CPVL: variants seen among roughly 807,000 people sequenced by gnomAD.
CPVL encodes probable serine carboxypeptidase CPVL.
In CPVL, 51 loss-of-function variants were observed where a neutral mutation model predicts 63.7. That is an observed-to-expected ratio of 0.80 (90% CI 0.64 to 1.01). The LOEUF (loss-of-function observed/expected upper bound fraction) is 1.01. Among genes scored for constraint, CPVL ranks in the 50% least tolerant of loss-of-function variants. The pLI is 0.00. For synonymous variants in CPVL, 195 were observed against 206.0 expected (o/e 0.95, Z 0.46); for missense variants, 530 against 573.1 (o/e 0.92, Z 0.77).
At chr7:29,140,180 T>G (rs375639910) in intron 1 of CPVL, among the ~76,000 whole-genome samples, 4 of 152,260 alleles carry the variant, frequency 2.6e-5, no homozygotes, top group East Asian at 3.9e-4. Context: ...TGGCTCACAC[T>G]TGTAATCCCG....
intron 11 of CPVL, among the ~76,000 whole-genome samples, chr7:29,049,244 A>T (rs1010438838): frequency 6.6e-6 from 1 of 152,118 alleles, no homozygotes; most frequent in African/African-American, 2.4e-5. Flanking sequence ...TGGTTCTTTG[A>T]AAAGATAAAT....
rs1783092260 is a variant in CPVL at position 29,065,932 on chromosome 7, A to C, written c.963+91T>G. ...AGTTTGGACATGTTGGTCTAGTATA[A>C]AGTCATCTATAATATTTCCCAAATC... is the stretch of plus-strand genomic sequence containing the variant. On this transcript the variant is annotated intron_variant, in intron 10 of 12. Transcript: ENST00000265394. 8 of 717,776 alleles carry C rather than the reference A, an allele frequency of 1.1e-5. No individual in the cohort carries two copies. In the South Asian group the frequency reaches 1.4e-4, roughly 13 times the overall value. 44.5% of individuals were successfully genotyped at this position (717,776 alleles called of 1,614,324 possible). A position where few individuals can be genotyped will look rare whatever the true frequency, so the allele number is the denominator to read the frequency against.
chr7:29,043,259 G>A (rs1789299122), intron 11 of CPVL, among the ~76,000 whole-genome samples: 1 of 147,706 alleles, frequency 6.8e-6, no homozygotes, highest in Admixed American at 6.8e-5. Context: ...TTTAAAGTCT[G>A]TGCTCTGTGT....
chr7:29,081,597 G>A (rs775263328), intron 7 of CPVL: 41 of 152,160 alleles, frequency 2.7e-4, no homozygotes, highest in Admixed American at 2.0e-3. Flanking sequence ...AGTAACTATT[G>A]CTTTTAAAAA....
At chr7:29,170,151 G>A (rs1287536441) in intron 5 of CPVL, among the ~76,000 whole-genome samples, 1 of 152,130 alleles carries the variant, frequency 6.6e-6, no homozygotes, top group Non-Finnish European at 1.5e-5. Context: ...CTATGGGGTG[G>A]AGGGGGATTC....
chr7:29,154,202 T>C (rs2128697450), intron 5 of CPVL, among the ~76,000 whole-genome samples: 1 of 152,282 alleles, frequency 6.6e-6, no homozygotes, highest in South Asian at 2.1e-4. Context: ...TTGCAGAATC[T>C]GTGGAACAGG....
intron 12 of CPVL, among the ~76,000 whole-genome samples, chr7:28,997,651 C>G (rs1784216277): frequency 6.6e-6 from 1 of 152,164 alleles, no homozygotes; most frequent in Non-Finnish European, 1.5e-5. Flanking sequence ...AGTGAGATAA[C>G]TAGCTAGAAC....
chr7:29,158,475 G>C (rs1036180417), intron 5 of CPVL, among the ~76,000 whole-genome samples: 1 of 152,174 alleles, frequency 6.6e-6, no homozygotes, highest in Admixed American at 6.5e-5. Context: ...GCTGAATCCT[G>C]AAAATTCAGG....
intron 12 of CPVL, 83 bp from the exon 13 acceptor site, chr7:28,995,965 CTATT>C (rs1231879480): frequency 4.0e-6 from 3 of 756,662 alleles, no homozygotes; most frequent in Admixed American, 6.2e-5. Context: ...AGATTAAACT[CTATT>C]TAAAACTCAC....
intron 5 of CPVL, among the ~76,000 whole-genome samples, chr7:29,093,329 A>T (rs1179819351): frequency 6.8e-6 from 1 of 147,106 alleles, no homozygotes; most frequent in African/African-American, 2.5e-5. Flanking sequence ...GTGAGCTGAG[A>T]TCATGCCACT....
chr7:29,142,966 C>T (rs1017859392), intron 1 of CPVL, among the ~76,000 whole-genome samples: 1 of 152,156 alleles, frequency 6.6e-6, no homozygotes, highest in Admixed American at 6.5e-5. Context: ...CCCTTACTTG[C>T]CCCGAGACAT....
chr7:29,142,445 C>T (rs1791993927), intron 1 of CPVL, among the ~76,000 whole-genome samples: 1 of 151,962 alleles, frequency 6.6e-6, no homozygotes, highest in Admixed American at 6.6e-5. Context: ...AAAAGGATAA[C>T]CAATCAGCCC....
chr7:29,066,997 G>A (rs1389009335), intron 9 of CPVL, among the ~76,000 whole-genome samples: 1 of 152,214 alleles, frequency 6.6e-6, no homozygotes, highest in Non-Finnish European at 1.5e-5. Flanking sequence ...ATGGAGACTT[G>A]AGGGGGTTAG....
intron 1 of CPVL, among the ~76,000 whole-genome samples, chr7:29,128,593 G>A (rs2128653824): frequency 6.6e-6 from 1 of 151,812 alleles, no homozygotes; most frequent in South Asian, 2.1e-4. Flanking sequence ...GCACACGCCT[G>A]TAATCCCAGC....
intron 4 of CPVL, among the ~76,000 whole-genome samples, chr7:29,184,077 T>A (rs1187907438): frequency 6.6e-6 from 1 of 151,828 alleles, no homozygotes; most frequent in Non-Finnish European, 1.5e-5. Context: ...GATTTTGATA[T>A]CTGAGTGGGG....
At chr7:29,097,237 T>C (rs1344890000) in intron 3 of CPVL, among the ~76,000 whole-genome samples, 1 of 116,180 alleles carries the variant, frequency 8.6e-6, no homozygotes, top group Non-Finnish European at 1.6e-5. Flanking sequence ...TCACCTTCAA[T>C]GACAGAGACC....
At chr7:29,138,007 G>GT (rs1362684270) in intron 1 of CPVL, among the ~76,000 whole-genome samples, 1 of 152,220 alleles carries the variant, frequency 6.6e-6, no homozygotes, top group Non-Finnish European at 1.5e-5. Flanking sequence ...TCAATGTAAG[G>GT]ATGGACTTAA....
intron 3 of CPVL, among the ~76,000 whole-genome samples, chr7:29,109,830 C>T (rs192954298): frequency 2.6e-5 from 4 of 152,266 alleles, no homozygotes; most frequent in African/African-American, 9.6e-5. Flanking sequence ...AGGGGATGCA[C>T]AGCTAGGTTT....
At chr7:29,147,410 CA>C (rs1480933841), upstream of CPVL, 1 of 158,512 alleles carries the variant, frequency 6.3e-6, no homozygotes, top group South Asian at 2.0e-4. Flanking sequence ...ACCCGACAGT[CA>C]GGGGGAAAAA....
Sources: allele counts gnomAD v4.1 joint callset (sites outside exome capture counted in the v4.1 genomes callset), GRCh38; gene constraint gnomAD v4.1.1; transcripts MANE v1.5; gene names NCBI Gene and HGNC (gene_info 2026-07-23, HGNC 2026-07-21).